SENP8: variants seen among roughly 807,000 people sequenced by gnomAD.
The protein encoded by SENP8 is SUMO peptidase family member, NEDD8 specific, also known as sentrin-specific protease 8.
In SENP8, 10 loss-of-function variants were observed where a neutral mutation model predicts 14.4. That is an observed-to-expected ratio of 0.69 (90% CI 0.43 to 1.18). The LOEUF is 1.18. Among genes scored for constraint, SENP8 ranks in the 50% most tolerant of loss-of-function variants. SENP8 has a pLI of 0.00. For synonymous variants in SENP8, 94 were observed against 95.5 expected (o/e 0.98, Z 0.09); for missense variants, 202 against 249.4 (o/e 0.81, Z 1.28).
Position 72,139,780 on chromosome 15 carries a change from T to G in SENP8, c.157T>G (p.Phe53Val), listed in dbSNP as rs755328826. 6.2e-7 allele frequency: 1 copy of G among 1,614,160 alleles called. No individual in the cohort carries two copies. The change falls in exon 2 of 2, where the codon TTC (phenylalanine) becomes GTC (valine). Residue 53 changes from phenylalanine to valine, a missense_variant. Transcript: ENST00000340912. ...QFHDCSDHVS[F>V]ISPEVTQFIK... ...TCATGACTGCTCTGATCACGTCAGTTTCATCAGCCCTGAAGTCACCCAGTT... is the reference window on the plus strand; with the variant it reads ...TCATGACTGCTCTGATCACGTCAGTGTCATCAGCCCTGAAGTCACCCAGTT...
At chr15:72,120,980 T>C (rs536713704) in intron 1 of SENP8, among the ~76,000 whole-genome samples, 1 of 152,362 alleles carries the variant, frequency 6.6e-6, no homozygotes, top group South Asian at 2.1e-4. Flanking sequence ...TCCTGGTCTA[T>C]GGATCCTAAG....
rs757670030 is a variant in SENP8, at chr15:72,140,241, T to C, written c.618T>C (p.Ile206=). 10 of 1,613,164 alleles carry C rather than the reference T, an allele frequency of 6.2e-6. No individual in the cohort carries two copies. The African/African-American group carries it at 1.3e-4, about 21-fold the overall frequency. ...AGAGGGGAGAATGGAAAGATCTCAT[T>C]ACCACACTTGCTAAAAAGTAGCTAT... ...TKKRGEWKDL[I]TTLAKK Residue 206 remains isoleucine (I), a synonymous_variant, in exon 2 of 2, where the codon ATT becomes ATC. Coordinates refer to ENST00000340912, the MANE Select transcript of SENP8 (RefSeq NM_145204.4).
At chr15:72,114,645 C>T (rs772831087), upstream of SENP8, 1 of 152,258 alleles carries the variant, frequency 6.6e-6, no homozygotes, top group Non-Finnish European at 1.5e-5. Context: ...AGTTTTGTTT[C>T]CTAAATGTTT....
chr15:72,130,192 A>G (rs2140509320), intron 1 of SENP8, among the ~76,000 whole-genome samples: 1 of 152,338 alleles, frequency 6.6e-6, no homozygotes, highest in African/African-American at 2.4e-5. Flanking sequence ...TGCCATCTCA[A>G]AAGAAAAAAG....
chr15:72,120,195 G>T (rs1483151302), intron 1 of SENP8, among the ~76,000 whole-genome samples: 1 of 152,198 alleles, frequency 6.6e-6, no homozygotes, highest in Non-Finnish European at 1.5e-5. Context: ...GAGATATAAA[G>T]ATATTTAAAA....
At chr15:72,134,351 A>T (rs1439679506) in intron 1 of SENP8, among the ~76,000 whole-genome samples, 1 of 152,186 alleles carries the variant, frequency 6.6e-6, no homozygotes, top group Non-Finnish European at 1.5e-5. Flanking sequence ...GGGCAGAGGC[A>T]GGAGGATAAC....
intron 1 of SENP8, among the ~76,000 whole-genome samples, chr15:72,128,151 CAGAG>C (rs367919734): frequency 1.5e-4 from 22 of 151,528 alleles, no homozygotes; most frequent in African/African-American, 2.4e-4. Context: ...GAAGAAAAAA[CAGAG>C]AGAGAGAGAA....
chr15:72,127,040 GATTTAT>G (rs2081227436), intron 1 of SENP8, among the ~76,000 whole-genome samples: 1 of 152,110 alleles, frequency 6.6e-6, no homozygotes, highest in African/African-American at 2.4e-5. Flanking sequence ...TGCCGAACTT[GATTTAT>G]ATTATGTTGA....
chr15:72,139,763 G>T lies in SENP8; in HGVS notation c.140G>T (p.Cys47Phe), dbSNP rs1395530779. Residue 47 changes from cysteine (C) to phenylalanine (F), a missense_variant, in exon 2 of 2, where the codon TGC (cysteine) becomes TTC (phenylalanine). Coordinates refer to ENST00000340912, the MANE Select transcript of SENP8 (RefSeq NM_145204.4). ...EYFANSQFHDCSDHVSFISPE... is the reference protein window; with the variant it reads ...EYFANSQFHDFSDHVSFISPE... ...TTTGCCAACAGTCAGTTTCATGACT[G>T]CTCTGATCACGTCAGTTTCATCAGC... The T allele has an allele frequency of 6.2e-7, 1 of 1,614,140 alleles. No individual in the cohort carries two copies. Among genetic ancestry groups the T allele is most frequent in the Non-Finnish European group, 8.5e-7 (1 of 1,180,036 alleles).
chr15:72,133,187 T>C (rs184589802), intron 1 of SENP8, among the ~76,000 whole-genome samples: 1 of 152,148 alleles, frequency 6.6e-6, no homozygotes, highest in East Asian at 1.9e-4. Flanking sequence ...AAGAAAAAAA[T>C]ATCTAATTGA....
chr15:72,118,075 G>A (rs2081070922), upstream of SENP8: 2 of 394,478 alleles, frequency 5.1e-6, no homozygotes, highest in African/African-American at 2.1e-5. Flanking sequence ...ATCCGCTTCG[G>A]TCGCGCGCCC....
Position 72,142,208 on chromosome 15 carries a change from A to T in SENP8, c.*1946A>T, listed in dbSNP as rs1473501016. The T allele has an allele frequency of 6.6e-6, 1 of 152,144 alleles. No individual in the cohort carries two copies. Among genetic ancestry groups the T allele is most frequent in the Non-Finnish European group, 1.5e-5 (1 of 68,020 alleles). 9.4% of individuals were successfully genotyped at this position (152,144 alleles called of 1,614,324 possible). On this transcript the variant is annotated 3_prime_UTR_variant, in exon 2 of 2. Coordinates refer to ENST00000340912, the MANE Select transcript of SENP8 (RefSeq NM_145204.4). ...CTATCTACATATATATAAAAAATGC[A>T]TTTTCCAAATGCATTAGCCTGATTG...
intron 1 of SENP8, among the ~76,000 whole-genome samples, chr15:72,138,081 G>A (rs2081344177): frequency 6.6e-6 from 1 of 152,000 alleles, no homozygotes; most frequent in Admixed American, 6.5e-5. Flanking sequence ...ATAATTTGTT[G>A]TCATTATGCA....
At chr15:72,137,642 T>C (rs1361700882) in intron 1 of SENP8, among the ~76,000 whole-genome samples, 1 of 152,172 alleles carries the variant, frequency 6.6e-6, no homozygotes, top group Non-Finnish European at 1.5e-5. Context: ...CGTTCCATTA[T>C]GGAAGGAGGA....
chr15:72,117,767 T>C (rs372387169), upstream of SENP8: 293 of 397,856 alleles, frequency 7.4e-4, no homozygotes, highest in African/African-American at 4.8e-3. Flanking sequence ...GGACCGGAGA[T>C]GGCAGAAGAG....
intron 1 of SENP8, among the ~76,000 whole-genome samples, chr15:72,127,783 T>C (rs946439124): frequency 6.6e-6 from 1 of 152,134 alleles, no homozygotes; most frequent in African/African-American, 2.4e-5. Context: ...ACTAAGGTGA[T>C]AGTAGTGAAG....
At chr15:72,118,082 GC>G (rs935865966), upstream of SENP8, 6 of 393,508 alleles carry the variant, frequency 1.5e-5, no homozygotes, top group Non-Finnish European at 2.7e-5. Context: ...TCGGTCGCGC[GC>G]CCCCGACCCC....
At chr15:72,127,607 A>G (rs2081232894) in intron 1 of SENP8, among the ~76,000 whole-genome samples, 1 of 152,066 alleles carries the variant, frequency 6.6e-6, no homozygotes, top group Non-Finnish European at 1.5e-5. Context: ...GGGAATTTTC[A>G]TTTTTTTCTG....
At chr15:72,136,319 C>T (rs2081327032) in intron 1 of SENP8, among the ~76,000 whole-genome samples, 1 of 152,288 alleles carries the variant, frequency 6.6e-6, no homozygotes, top group African/African-American at 2.4e-5. Context: ...TGAATGTTTA[C>T]CTTTCTCTGG....
Sources: gnomAD v4.1 joint callset for allele counts (sites outside exome capture counted in the v4.1 genomes callset) on GRCh38, gnomAD v4.1.1 for gene constraint, MANE v1.5 for transcripts, NCBI Gene and HGNC (gene_info 2026-07-23, HGNC 2026-07-21) for gene names.